The following MAN2A1 variants were observed in gnomAD, a reference collection of about 807,000 sequenced individuals.
MAN2A1 encodes the protein mannosidase alpha class 2A member 1, also known as alpha-mannosidase 2.
MAN2A1 carries 76 observed loss-of-function variants against 142.6 expected under a neutral mutation model. The observed-to-expected ratio is 0.53, with a 90% CI of 0.44 to 0.65. The LOEUF is 0.65. MAN2A1 is among the 30% of genes least tolerant of loss of function. MAN2A1 has a pLI of 0.00. For synonymous variants in MAN2A1, 559 were observed against 473.2 expected, an observed-to-expected ratio of 1.18 and a Z score of -2.35; for missense variants, 1,311 against 1,365.1, an observed-to-expected ratio of 0.96 and a Z score of 0.62.
At chr5:109,801,556 T>C (rs1285427481) in intron 12 of MAN2A1, among the ~76,000 whole-genome samples, 1 of 152,158 alleles carries the variant, frequency 6.6e-6, no homozygotes, top group Non-Finnish European at 1.5e-5. Context: ...ATAATGGTTG[T>C]TGGGTAGGAA....
intron 4 of MAN2A1, among the ~76,000 whole-genome samples, chr5:109,730,535 A>G (rs1035726185): frequency 6.9e-6 from 1 of 144,806 alleles, no homozygotes; most frequent in African/African-American, 2.7e-5. Flanking sequence ...TTCATTTTTT[A>G]CCATTCACTT....
chr5:109,817,590 C>A, intron 13 of MAN2A1, 152 bp downstream of exon 13: 1 of 659,254 alleles, frequency 1.5e-6, no homozygotes, highest in Non-Finnish European at 2.6e-6. Flanking sequence ...ACTGGTGGGT[C>A]AAATGACACT....
intron 4 of MAN2A1, among the ~76,000 whole-genome samples, chr5:109,748,670 A>G (rs532179873): frequency 6.1e-4 from 93 of 152,174 alleles, no homozygotes; most frequent in Non-Finnish European, 1.1e-3. Context: ...ATGAACCTGT[A>G]AGAACCAATG....
intron 12 of MAN2A1, among the ~76,000 whole-genome samples, chr5:109,807,284 A>G (rs1754191060): frequency 2.0e-5 from 3 of 152,198 alleles, no homozygotes; most frequent in Admixed American, 2.0e-4. Flanking sequence ...CCTTGGTGGT[A>G]TGAAACTGGA....
intron 13 of MAN2A1, 91 bp from the exon 14 acceptor site, chr5:109,819,578 A>G (rs1041469537): frequency 2.0e-5 from 14 of 695,730 alleles, no homozygotes; most frequent in South Asian, 1.9e-4. Context: ...AAAAAATATG[A>G]TAGTTTGTTG....
intron 3 of MAN2A1, among the ~76,000 whole-genome samples, chr5:109,720,266 T>C (rs993115002): frequency 4.6e-5 from 7 of 152,218 alleles, no homozygotes; most frequent in African/African-American, 1.7e-4. Context: ...GACTCTAAAA[T>C]AGTAGGAAGA....
rs1750709541 is a variant in MAN2A1 at position 109,692,811 on chromosome 5, G to A, written c.135+2259G>A. ...ACAGGGGTGGGGATGGGGGGAGTCG[G>A]GGGTTTCGGGGGATGGTTTGGGGAT... On this transcript the variant is annotated intron_variant, in intron 1 of 21. Transcript: ENST00000261483. 1.3e-5 allele frequency among the ~76,000 whole-genome samples: 2 copies of A among 151,790 alleles called. 1 individual carries two copies. Among genetic ancestry groups the A allele is most frequent in the Admixed American group, 1.3e-4 (2 of 15,234 alleles).
intron 16 of MAN2A1, among the ~76,000 whole-genome samples, chr5:109,824,123 A>G (rs3797681): frequency 0.38 from 57,899 of 152,026 alleles, 11,914 homozygotes; most frequent in African/African-American, 0.55. Flanking sequence ...CCTGAAAACA[A>G]TACAGTGTTT....
At position 109,690,253 on chromosome 5, in the gene MAN2A1, C is replaced by T. The variant is rs1053100807; in HGVS notation, c.-165C>T. The stretch of plus-strand genomic sequence containing the variant: ...GAAGGCCAAGGGCGTGTGGTGGCGC[C>T]GGAGACTAGGTGCGGAGCAAGGCGG... On this transcript the variant is annotated 5_prime_UTR_variant, in exon 1 of 22. Transcript: ENST00000261483. The T allele has an allele frequency of 3.0e-6, 2 of 677,696 alleles. No homozygotes were observed. Among genetic ancestry groups the T allele is most frequent in the South Asian group, 1.7e-5 (1 of 57,994 alleles). The allele number at this position is 677,696 out of a possible 1,614,324, so 42.0% of individuals were successfully genotyped here. A position where few individuals can be genotyped will look rare whatever the true frequency, so the allele number is the denominator to read the frequency against.
In MAN2A1 at chr5:109,869,017, G is replaced by C. The variant is rs1257746503; in HGVS notation, c.*2019G>C. On this transcript the variant is annotated 3_prime_UTR_variant, in exon 22 of 22. Transcript: ENST00000261483. ...GATGGATCTGTCCCATGTCAGTCTG[G>C]GGTTTTATTCAGCTTGTGTTGCTAC... is the stretch of plus-strand genomic sequence containing the variant. 6.6e-6 allele frequency: 1 copy of C among 152,162 alleles called. No homozygotes were observed. The highest frequency in any genetic ancestry group is 1.5e-5 in the Non-Finnish European group (1 of 68,040). 9.4% of individuals were successfully genotyped at this position (152,162 alleles called of 1,614,324 possible).
At chr5:109,833,735 A>G (rs1265380913) in intron 16 of MAN2A1, among the ~76,000 whole-genome samples, 1 of 151,974 alleles carries the variant, frequency 6.6e-6, no homozygotes, top group East Asian at 1.9e-4. Flanking sequence ...GAGTTTTCTT[A>G]TAGGAATATC....
chr5:109,792,582 G>A (rs1753762953), intron 12 of MAN2A1, among the ~76,000 whole-genome samples: 1 of 152,038 alleles, frequency 6.6e-6, no homozygotes, highest in Non-Finnish European at 1.5e-5. Context: ...GTAGACTATT[G>A]CCTAACAAAC....
At chr5:109,729,654 AT>A in intron 4 of MAN2A1, 141 bp downstream of exon 4, 2 of 488,180 alleles carry the variant, frequency 4.1e-6, no homozygotes, top group Non-Finnish European at 3.4e-6. Context: ...GTTTTCGTTG[AT>A]TTTGGTTCAT....
chr5:109,737,671 A>C (rs1334300232), intron 4 of MAN2A1, among the ~76,000 whole-genome samples: 1 of 152,160 alleles, frequency 6.6e-6, no homozygotes, highest in Non-Finnish European at 1.5e-5. Flanking sequence ...GCTCATGAAA[A>C]AGTATCGTTA....
At chr5:109,838,332 A>G (rs549974627) in intron 16 of MAN2A1, among the ~76,000 whole-genome samples, 17 of 152,202 alleles carry the variant, frequency 1.1e-4, no homozygotes, top group Non-Finnish European at 2.1e-4. Flanking sequence ...TTCTTTCCCT[A>G]GTGACTAATC....
At chr5:109,701,204 C>G (rs551441350) in intron 1 of MAN2A1, among the ~76,000 whole-genome samples, 1 of 152,114 alleles carries the variant, frequency 6.6e-6, no homozygotes, top group African/African-American at 2.4e-5. Flanking sequence ...AACTCAAAAA[C>G]AGAAACAAGT....
At chr5:109,759,213 T>G (rs1752771766) in intron 5 of MAN2A1, among the ~76,000 whole-genome samples, 1 of 152,168 alleles carries the variant, frequency 6.6e-6, no homozygotes, top group African/African-American at 2.4e-5. Flanking sequence ...GCTTTCCATT[T>G]AAGTAGATCA....
chr5:109,839,671 A>G (rs1452351065), intron 16 of MAN2A1, among the ~76,000 whole-genome samples: 1 of 145,722 alleles, frequency 6.9e-6, no homozygotes, highest in African/African-American at 2.6e-5. Flanking sequence ...TTTTTTTTTA[A>G]ATAACATTCC....
chr5:109,692,216 T>C (rs1464679874), intron 1 of MAN2A1, among the ~76,000 whole-genome samples: 1 of 152,182 alleles, frequency 6.6e-6, no homozygotes, highest in African/African-American at 2.4e-5. Flanking sequence ...AATTCCAGTA[T>C]TGTAATATCT....
Sources: allele counts gnomAD v4.1 joint callset (sites outside exome capture counted in the v4.1 genomes callset), GRCh38; gene constraint gnomAD v4.1.1; transcripts MANE v1.5; gene names NCBI Gene and HGNC (gene_info 2026-07-23, HGNC 2026-07-21).